The following JAZF1 variants were observed in gnomAD, a reference collection of about 807,000 sequenced individuals.
JAZF1 encodes the protein JAZF zinc finger 1, also known as juxtaposed with another zinc finger protein 1.
A neutral mutation model predicts 26.4 loss-of-function variants in JAZF1; 8 were observed. The observed-to-expected ratio is 0.30, with a 90% CI of 0.18 to 0.55. JAZF1 has a LOEUF of 0.55. Among genes scored for constraint, JAZF1 ranks in the 20% least tolerant of loss-of-function variants. The pLI is 0.94. For missense variants in JAZF1, 199 were observed against 322.0 expected (o/e 0.62, Z 2.92); for synonymous variants, 126 against 122.3 (o/e 1.03, Z -0.20).
At chr7:28,101,414 G>A (rs1047921598) in intron 1 of JAZF1, among the ~76,000 whole-genome samples, 4 of 152,000 alleles carry the variant, frequency 2.6e-5, no homozygotes, top group Non-Finnish European at 5.9e-5. Context: ...CCCAAGAAGG[G>A]CTGAAAGGGA....
chr7:28,113,146 G>A lies in JAZF1; in HGVS notation c.115+67317C>T, dbSNP rs144211295. Among the ~76,000 whole-genome samples, 14 of 152,242 alleles carry A rather than the reference G, an allele frequency of 9.2e-5. No homozygotes were observed. The East Asian group carries it at 2.3e-3, about 25-fold the overall frequency. On this transcript the variant is annotated intron_variant, in intron 1 of 4. Transcript: ENST00000283928. ...ACATCCAGGTTCGTTCTCAGAGTCCGGCCTGTTGAATCGGTATCCTACAAA... is the reference window on the plus strand; with the variant it reads ...ACATCCAGGTTCGTTCTCAGAGTCCAGCCTGTTGAATCGGTATCCTACAAA...
At chr7:28,139,727 G>A (rs542650748) in intron 1 of JAZF1, among the ~76,000 whole-genome samples, 2 of 151,390 alleles carry the variant, frequency 1.3e-5, no homozygotes, top group East Asian at 3.9e-4. Context: ...CATATATTTA[G>A]GATTTGCTTT....
intron 1 of JAZF1, among the ~76,000 whole-genome samples, chr7:28,127,766 A>G (rs1782720480): frequency 6.6e-6 from 1 of 152,122 alleles, no homozygotes; most frequent in Non-Finnish European, 1.5e-5. Context: ...AGGGAAAGCA[A>G]ATGCAACCTT....
chr7:27,969,778 C>T (rs1785344028), intron 2 of JAZF1, among the ~76,000 whole-genome samples: 1 of 144,186 alleles, frequency 6.9e-6, no homozygotes, highest in South Asian at 2.3e-4. Context: ...TTTTTAGAGG[C>T]AATGTGTATG....
At chr7:28,178,212 C>T (rs1489372736) in intron 1 of JAZF1, among the ~76,000 whole-genome samples, 1 of 152,040 alleles carries the variant, frequency 6.6e-6, no homozygotes, top group Non-Finnish European at 1.5e-5. Context: ...AAACTCTTAA[C>T]CTTCTTTAAA....
chr7:27,953,221 T>A (rs923353034), intron 2 of JAZF1, among the ~76,000 whole-genome samples: 2 of 152,384 alleles, frequency 1.3e-5, no homozygotes, highest in African/African-American at 2.4e-5. Flanking sequence ...GGTAATTTTT[T>A]AAGCTGTTCT....
chr7:27,855,389 A>G (rs1407679361), intron 3 of JAZF1, among the ~76,000 whole-genome samples: 2 of 152,136 alleles, frequency 1.3e-5, no homozygotes, highest in Non-Finnish European at 2.9e-5. Flanking sequence ...ACTGAAGGAG[A>G]TAGAGACACA....
At chr7:28,043,392 C>A (rs77371578) in intron 1 of JAZF1, among the ~76,000 whole-genome samples, 69 of 152,182 alleles carry the variant, frequency 4.5e-4, no homozygotes, top group African/African-American at 1.6e-3. Flanking sequence ...CGTGAACTAC[C>A]CTCCCCTAAG....
chr7:28,066,280 C>T (rs1280282489), intron 1 of JAZF1, among the ~76,000 whole-genome samples: 1 of 152,052 alleles, frequency 6.6e-6, no homozygotes, highest in Non-Finnish European at 1.5e-5. Flanking sequence ...CCGGTACAGG[C>T]CAGGTCAGGG....
intron 2 of JAZF1, among the ~76,000 whole-genome samples, chr7:27,943,478 A>T (rs1009779542): frequency 6.6e-6 from 1 of 152,192 alleles, no homozygotes; most frequent in South Asian, 2.1e-4. Context: ...AAGGAATGCG[A>T]TCATTTCCGT....
chr7:28,102,603 A>AC (rs1475147541), intron 1 of JAZF1, among the ~76,000 whole-genome samples: 1 of 151,694 alleles, frequency 6.6e-6, no homozygotes, highest in Non-Finnish European at 1.5e-5. Flanking sequence ...TTTTTGAAAA[A>AC]AAATGTCTGC....
chr7:27,875,231 T>A (rs1180378648), intron 3 of JAZF1, among the ~76,000 whole-genome samples: 1 of 152,038 alleles, frequency 6.6e-6, no homozygotes, highest in Non-Finnish European at 1.5e-5. Context: ...CTCATCCAAC[T>A]CCCATCGGCT....
intron 4 of JAZF1, among the ~76,000 whole-genome samples, chr7:27,836,100 G>A (rs1219707017): frequency 6.6e-6 from 1 of 152,204 alleles, no homozygotes; most frequent in Non-Finnish European, 1.5e-5. Context: ...CCAATCCATA[G>A]TCCATATTTC....
intron 3 of JAZF1, among the ~76,000 whole-genome samples, chr7:27,885,440 A>T (rs1053767839): frequency 6.6e-6 from 1 of 152,250 alleles, no homozygotes; most frequent in Non-Finnish European, 1.5e-5. Flanking sequence ...CCCTGGCTAT[A>T]AAATGATAAT....
intron 2 of JAZF1, among the ~76,000 whole-genome samples, chr7:27,897,610 G>C (rs1327532116): frequency 6.6e-6 from 1 of 152,224 alleles, no homozygotes; most frequent in African/African-American, 2.4e-5. Context: ...GGAACCTGTA[G>C]CTATCTGATA....
intron 2 of JAZF1, among the ~76,000 whole-genome samples, chr7:27,899,921 A>T (rs1784139374): frequency 6.6e-6 from 1 of 152,138 alleles, no homozygotes; most frequent in South Asian, 2.1e-4. Context: ...GTGTTCAGGG[A>T]GCTGGAGCAT....
chr7:27,969,199 A>C (rs1481584844), intron 2 of JAZF1, among the ~76,000 whole-genome samples: 2 of 152,188 alleles, frequency 1.3e-5, no homozygotes, highest in Non-Finnish European at 2.9e-5. Flanking sequence ...GAGTCAGCCA[A>C]GTCTGGCATC....
chr7:28,034,948 A>G (rs926533178), intron 1 of JAZF1, among the ~76,000 whole-genome samples: 1 of 152,154 alleles, frequency 6.6e-6, no homozygotes, highest in Non-Finnish European at 1.5e-5. Context: ...AGCCAGCAAG[A>G]TGAGAACTTA....
At chr7:27,964,121 T>C (rs554031990) in intron 2 of JAZF1, among the ~76,000 whole-genome samples, 2 of 152,314 alleles carry the variant, frequency 1.3e-5, no homozygotes, top group South Asian at 4.1e-4. Flanking sequence ...TTAATGAATA[T>C]TATCATCCAA....
Sources: gnomAD v4.1 joint callset for allele counts (sites outside exome capture counted in the v4.1 genomes callset) on GRCh38, gnomAD v4.1.1 for gene constraint, MANE v1.5 for transcripts, NCBI Gene and HGNC (gene_info 2026-07-23, HGNC 2026-07-21) for gene names.